The following ATR variants were observed in gnomAD, a reference collection of about 807,000 sequenced individuals.
The protein encoded by ATR is ATR checkpoint kinase, also known as serine/threonine-protein kinase ATR.
ATR carries 142 observed loss-of-function variants against 305.3 expected under a neutral mutation model. The observed-to-expected ratio is 0.47, with a 90% CI of 0.41 to 0.53. ATR has a LOEUF of 0.53. Among genes scored for constraint, ATR ranks in the 20% least tolerant of loss-of-function variants. The pLI, the probability that ATR is intolerant of heterozygous loss-of-function variation, is 0.00. For synonymous variants in ATR, 1,050 were observed against 1,068.1 expected (o/e 0.98, Z 0.33); for missense variants, 2,135 against 3,133.1 (o/e 0.68, Z 7.60).
intron 44 of ATR, 32 bp downstream of exon 44, chr3:142,458,926 C>T (rs767931735): frequency 6.2e-7 from 1 of 1,608,388 alleles, no homozygotes; most frequent in Non-Finnish European, 8.5e-7. Context: ...TGAGAGAAAA[C>T]ACAATTAGTA....
chr3:142,534,299 G>A (rs1226376121), intron 21 of ATR, among the ~76,000 whole-genome samples: 3 of 152,040 alleles, frequency 2.0e-5, no homozygotes, highest in Non-Finnish European at 4.4e-5. Context: ...CCTCCCCTCT[G>A]TTGGGATCAT....
chr3:142,476,510 C>A (rs1027146266), intron 36 of ATR, among the ~76,000 whole-genome samples: 19 of 151,958 alleles, frequency 1.3e-4, no homozygotes, highest in Non-Finnish European at 7.4e-5. Flanking sequence ...TGTAGTATAG[C>A]TTGAAGTCAG....
chr3:142,538,278 A>G (rs2033927357), intron 19 of ATR, among the ~76,000 whole-genome samples: 1 of 152,212 alleles, frequency 6.6e-6, no homozygotes, highest in Non-Finnish European at 1.5e-5. Flanking sequence ...CCTATTAGTG[A>G]GCTTTGGAAA....
intron 13 of ATR, among the ~76,000 whole-genome samples, chr3:142,551,525 C>T (rs1161067912): frequency 1.3e-5 from 2 of 152,020 alleles, no homozygotes; most frequent in Non-Finnish European, 2.9e-5. Context: ...GATGACACAC[C>T]TACAACCATC....
intron 3 of ATR, among the ~76,000 whole-genome samples, chr3:142,564,431 C>T (rs906343126): frequency 1.4e-4 from 22 of 152,266 alleles, no homozygotes; most frequent in Admixed American, 7.2e-4. Flanking sequence ...TTATGGGTTA[C>T]TGTGAGGACC....
intron 16 of ATR, among the ~76,000 whole-genome samples, chr3:142,545,584 T>G (rs953463506): frequency 2.6e-5 from 4 of 152,120 alleles, no homozygotes; most frequent in Non-Finnish European, 2.9e-5. Context: ...AGGGGAACGA[T>G]ATGAGTTTGT....
chr3:142,550,644 C>T (rs1253890021), intron 13 of ATR, among the ~76,000 whole-genome samples: 1 of 152,162 alleles, frequency 6.6e-6, no homozygotes, highest in Admixed American at 6.5e-5. Context: ...TTTACTATCA[C>T]TAAAAAGTCT....
At position 142,542,758 on chromosome 3, in the gene ATR, C is replaced by G; in HGVS notation, c.3358-1G>C. 1 of 1,606,222 alleles carries G rather than the reference C, an allele frequency of 6.2e-7. No individual in the cohort carries two copies. Among genetic ancestry groups the G allele is most frequent in the Non-Finnish European group, 8.5e-7 (1 of 1,173,890 alleles). ...ACAATTTGGGTTGTAAATAATCAGC[C>G]TAAGAAATAAAAACAGATAATATGT... On this transcript the variant is annotated splice_acceptor_variant, in intron 16 of 46. Transcript: ENST00000350721. LOFTEE classifies it high-confidence loss of function.
intron 34 of ATR, among the ~76,000 whole-genome samples, chr3:142,494,537 G>A (rs999134820): frequency 1.6e-4 from 24 of 152,182 alleles, no homozygotes; most frequent in African/African-American, 5.5e-4. Flanking sequence ...GTCAGGAAAA[G>A]TTATCAACGA....
chr3:142,550,028 G>A, intron 14 of ATR, 104 bp downstream of exon 14: 1 of 1,449,088 alleles, frequency 6.9e-7, no homozygotes, highest in Non-Finnish European at 9.5e-7. Context: ...TTAAACTTAA[G>A]TTTTACAGCA....
In ATR at chr3:142,498,513, T is replaced by A. The variant is rs893412595; in HGVS notation, c.5558+84A>T. ...GCTATGCATGAAACCAAACTCACTA[T>A]CAATTATTTACTCAAAAAAATTTTC... On this transcript the variant is annotated intron_variant, in intron 32 of 46. Transcript: ENST00000350721. The A allele has an allele frequency of 3.0e-6, 4 of 1,312,436 alleles. No individual in the cohort carries two copies. In the African/African-American group the frequency reaches 5.9e-5, roughly 19 times the overall value. The allele number at this position is 1,312,436 out of a possible 1,614,324, so 81.3% of individuals were successfully genotyped here.
chr3:142,531,028 G>A (rs1041712578), intron 21 of ATR, among the ~76,000 whole-genome samples: 1 of 152,054 alleles, frequency 6.6e-6, no homozygotes. Context: ...ACCATACAAG[G>A]TTAAGATATG....
At chr3:142,515,303 C>T (rs2032810154) in intron 25 of ATR, 92 bp downstream of exon 25, 1 of 1,504,508 alleles carries the variant, frequency 6.6e-7, no homozygotes, top group East Asian at 2.3e-5. Context: ...ACAAATACTT[C>T]AATGATTATT....
chr3:142,476,479 C>A (rs891012930), intron 36 of ATR, among the ~76,000 whole-genome samples: 57 of 152,250 alleles, frequency 3.7e-4, no homozygotes, highest in Admixed American at 1.2e-3. Flanking sequence ...CAGTACCATG[C>A]TGTTTTGGTT....
chr3:142,471,604 ACATTT>A (rs1459013170), intron 36 of ATR, among the ~76,000 whole-genome samples: 1 of 152,142 alleles, frequency 6.6e-6, no homozygotes, highest in East Asian at 1.9e-4. Flanking sequence ...TTGTTTTTAA[ACATTT>A]CATTTATTTA....
Position 142,555,939 on chromosome 3 carries a change from G to C in ATR, c.2279C>G (p.Ala760Gly), listed in dbSNP as rs140901705. 6.2e-7 allele frequency: 1 copy of C among 1,612,976 alleles called. No individual in the cohort carries two copies. The highest frequency in any genetic ancestry group is 1.1e-5 in the South Asian group (1 of 90,664). ...GAAAAGGAATGGCTTGCAGACAGAA[G>C]CTTTTAGTTGAGAAGATGAACATTC... is the stretch of plus-strand genomic sequence containing the variant. ...QHECSSSQLK[A>G]SVCKPFLFLL... Residue 760 changes from alanine to glycine, a missense_variant, in exon 10 of 47, where the codon GCT becomes GGT. Coordinates refer to ENST00000350721, the MANE Select transcript of ATR (RefSeq NM_001184.4).
At chr3:142,472,899 C>T (rs1418757269) in intron 36 of ATR, among the ~76,000 whole-genome samples, 1 of 152,194 alleles carries the variant, frequency 6.6e-6, no homozygotes, top group Non-Finnish European at 1.5e-5. Flanking sequence ...CTGAGCCTCT[C>T]AAAGTGCTGG....
chr3:142,498,572 T>C (rs759355248), intron 32 of ATR, 25 bp downstream of exon 32: 1 of 1,609,280 alleles, frequency 6.2e-7, no homozygotes. Context: ...AGGCCAGAAA[T>C]ATAAAAATGG....
At chr3:142,454,912 A>G (rs1477344431) in intron 45 of ATR, among the ~76,000 whole-genome samples, 3 of 152,204 alleles carry the variant, frequency 2.0e-5, no homozygotes, top group Non-Finnish European at 4.4e-5. Flanking sequence ...TTCGACACTG[A>G]TTTAGTTAGG....
Sources: gnomAD v4.1 joint callset for allele counts (sites outside exome capture counted in the v4.1 genomes callset) on GRCh38, gnomAD v4.1.1 for gene constraint, MANE v1.5 for transcripts, NCBI Gene and HGNC (gene_info 2026-07-23, HGNC 2026-07-21) for gene names.